Variants in EGF observed in about 807,000 individuals in gnomAD.
The protein encoded by EGF is pro-epidermal growth factor.
A neutral mutation model predicts 143.8 loss-of-function variants in EGF; 95 were observed. The observed-to-expected ratio is 0.66, with a 90% confidence interval of 0.56 to 0.78. The LOEUF is 0.78. EGF is among the 30% of genes least tolerant of loss of function. The pLI, the probability that EGF is intolerant of heterozygous loss-of-function variation, is 0.00. For missense variants in EGF, 1,320 were observed against 1,470.9 expected, an observed-to-expected ratio of 0.90 and a Z score of 1.68; for synonymous variants, 510 against 510.5, an observed-to-expected ratio of 1.00 and a Z score of 0.01.
intron 6 of EGF, among the ~76,000 whole-genome samples, chr4:109,960,151 A>C (rs1007795411): frequency 1.3e-5 from 2 of 152,224 alleles, no homozygotes; most frequent in African/African-American, 4.8e-5. Flanking sequence ...TTCAGCCAGA[A>C]TAAAACTGCT....
chr4:109,936,087 T>C (rs1007464408), intron 1 of EGF, among the ~76,000 whole-genome samples: 5 of 152,210 alleles, frequency 3.3e-5, no homozygotes, highest in African/African-American at 1.2e-4. Context: ...GATTCTCTCT[T>C]TTTCTATTGA....
At position 110,011,304 on chromosome 4, in the gene EGF, C is replaced by T; in HGVS notation, c.3473C>T (p.Pro1158Leu). The T allele has an allele frequency of 6.2e-7, 1 of 1,614,066 alleles. No individual in the cohort carries two copies. The highest frequency in any genetic ancestry group is 8.5e-7 in the Non-Finnish European group (1 of 1,180,004). ...GTATCCAGTGATAAGGGCTCCTGTC[C>T]CCAGGTAATGGAGCGAAGCTTTCAT... ...IPVSSDKGSC[P>L]QVMERSFHMP... The change falls in exon 24 of 24, where the codon CCC becomes CTC. Residue 1158 changes from proline to leucine, a missense_variant. Pro to Leu is a moderately conservative substitution (Grantham distance 98). Coordinates refer to ENST00000265171, the MANE Select transcript of EGF (RefSeq NM_001963.6).
At position 109,980,051 on chromosome 4, in the gene EGF, C is replaced by T. The variant is rs1749104496; in HGVS notation, c.2133C>T (p.Asn711=). 6 of 1,613,984 alleles carry T rather than the reference C, an allele frequency of 3.7e-6. No individual in the cohort carries two copies. The highest frequency in any genetic ancestry group is 2.5e-6 in the Non-Finnish European group (3 of 1,179,924). ...CTATGCCATCAGTAATGAGAGTAAA[C>T]AAGAGGACTGGCAAAGATAGAGTAC... ...DWAMPSVMRV[N]KRTGKDRVRL... is the part of the protein sequence containing the mutation. Residue 711 remains asparagine, a synonymous_variant, in exon 14 of 24, where the codon AAC becomes AAT. Transcript: ENST00000265171.
intron 21 of EGF, among the ~76,000 whole-genome samples, chr4:110,001,074 A>G (rs1316463279): frequency 6.6e-6 from 1 of 152,244 alleles, no homozygotes; most frequent in Non-Finnish European, 1.5e-5. Flanking sequence ...GTAGTGGTTA[A>G]GAGCACAGGC....
At chr4:110,007,099 A>G (rs374453102) in intron 22 of EGF, among the ~76,000 whole-genome samples, 2 of 152,192 alleles carry the variant, frequency 1.3e-5, no homozygotes, top group South Asian at 2.1e-4. Flanking sequence ...GAGATCATCA[A>G]TGAGGAGGAG....
chr4:109,962,062 T>C (rs1405243301), intron 8 of EGF, 77 bp downstream of exon 8: 1 of 1,596,186 alleles, frequency 6.3e-7, no homozygotes, highest in Non-Finnish European at 8.6e-7. Context: ...AAATTGATCT[T>C]GTTGTCAAGG....
At chr4:110,002,574 CAT>C (rs941380924) in intron 21 of EGF, among the ~76,000 whole-genome samples, 25 of 152,268 alleles carry the variant, frequency 1.6e-4, no homozygotes, top group African/African-American at 4.8e-4. Context: ...TAGTTTAAAA[CAT>C]GTGATTTCTT....
chr4:109,965,903 T>C (rs1171176937), intron 10 of EGF, among the ~76,000 whole-genome samples: 2 of 152,022 alleles, frequency 1.3e-5, no homozygotes, highest in Admixed American at 1.3e-4. Flanking sequence ...GAAAGAAGAG[T>C]AACCCATTAT....
At chr4:109,992,580 A>C (rs1472622884) in intron 18 of EGF, 2 of 152,224 alleles carry the variant, frequency 1.3e-5, no homozygotes, top group Non-Finnish European at 2.9e-5. Context: ...CATTTGACCC[A>C]GCCATCCCAT....
In EGF at chr4:109,986,885, G is replaced by A. The variant is rs574493975; in HGVS notation, c.2492-859G>A. Among the ~76,000 whole-genome samples the A allele has an allele frequency of 3.9e-5, 6 of 152,272 alleles. No homozygotes were observed. In the South Asian group the frequency reaches 1.2e-3, roughly 32 times the overall value. On this transcript the variant is annotated intron_variant, in intron 16 of 23. Transcript: ENST00000265171. ...GTATGGTTCATGATTTTGTAAAAGT[G>A]CCTTGAGGTGTGCAAGTCACTACAT...
chr4:109,941,746 A>G (rs1179758280), intron 2 of EGF, among the ~76,000 whole-genome samples: 1 of 152,206 alleles, frequency 6.6e-6, no homozygotes, highest in Non-Finnish European at 1.5e-5. Context: ...ACGTAGAAAG[A>G]AAAATTTTCT....
Position 110,011,295 on chromosome 4 carries a change from GCTC to G in EGF, c.3467_3469del (p.Ser1156del). The G allele has an allele frequency of 6.2e-7, 1 of 1,614,138 alleles. No individual in the cohort carries two copies. The highest frequency in any genetic ancestry group is 8.5e-7 in the Non-Finnish European group (1 of 1,180,016). ...TGGATTCCAGTATCCAGTGATAAGG[GCTC>G]CTGTCCCCAGGTAATGGAGCGAAGC... On this transcript the variant is annotated inframe_deletion, in exon 24 of 24. Coordinates refer to ENST00000265171, the MANE Select transcript of EGF (RefSeq NM_001963.6).
intron 1 of EGF, among the ~76,000 whole-genome samples, chr4:109,939,326 G>T (rs1336269565): frequency 6.6e-6 from 1 of 152,246 alleles, no homozygotes; most frequent in Non-Finnish European, 1.5e-5. Flanking sequence ...AAGGCTCCAT[G>T]GGTATGGGAC....
chr4:109,943,740 GTC>G, intron 3 of EGF, 100 bp from the exon 4 acceptor site: 1 of 1,002,436 alleles, frequency 1.0e-6, no homozygotes, highest in South Asian at 1.4e-5. Context: ...ATTCAAAATA[GTC>G]AAACTTGCCC....
chr4:109,980,667 G>C, intron 14 of EGF, 159 bp from the exon 15 acceptor site: 1 of 796,952 alleles, frequency 1.3e-6, no homozygotes, highest in Non-Finnish European at 2.1e-6. Context: ...CTCCTTGGGG[G>C]AACTCTTCTG....
At chr4:109,983,764 G>A (rs960772924) in intron 16 of EGF, among the ~76,000 whole-genome samples, 2 of 152,226 alleles carry the variant, frequency 1.3e-5, no homozygotes, top group African/African-American at 4.8e-5. Flanking sequence ...GTCTTTGGGT[G>A]TGAGTCTTTG....
chr4:109,954,809 T>A (rs1382617600), intron 5 of EGF, among the ~76,000 whole-genome samples: 1 of 151,962 alleles, frequency 6.6e-6, no homozygotes, highest in Non-Finnish European at 1.5e-5. Flanking sequence ...TGGAATAGCA[T>A]CCCAGTTCTA....
intron 5 of EGF, among the ~76,000 whole-genome samples, chr4:109,948,853 T>C (rs1277371284): frequency 2.0e-5 from 3 of 152,180 alleles, no homozygotes; most frequent in Non-Finnish European, 4.4e-5. Flanking sequence ...TATGCCTAAA[T>C]TGCAGCTCCT....
chr4:109,979,259 G>A (rs186471293), intron 13 of EGF, among the ~76,000 whole-genome samples: 12 of 152,186 alleles, frequency 7.9e-5, no homozygotes, highest in Non-Finnish European at 1.6e-4. Flanking sequence ...GAGGGGTCAC[G>A]GGGATGAGGA....
Sources: allele counts gnomAD v4.1 joint callset (sites outside exome capture counted in the v4.1 genomes callset), GRCh38; gene constraint gnomAD v4.1.1; transcripts MANE v1.5; gene names NCBI Gene and HGNC (gene_info 2026-07-23, HGNC 2026-07-21).